ADAR: variants seen among roughly 807,000 people sequenced by gnomAD.
ADAR encodes adenosine deaminase RNA specific.
In ADAR, 41 loss-of-function variants were observed where a neutral mutation model predicts 113.2. The observed-to-expected ratio is 0.36, with a 90% CI of 0.28 to 0.47. The LOEUF (loss-of-function observed/expected upper bound fraction) is 0.47. Ranked by LOEUF, ADAR falls within the 20% of genes least tolerant of loss-of-function variation. The pLI is 1.00. For missense variants in ADAR, 1,242 were observed against 1,540.9 expected (o/e 0.81, Z 3.25); for synonymous variants, 605 against 572.6 (o/e 1.06, Z -0.81).
chr1:154,588,128 T>G lies in ADAR; in HGVS notation c.3016A>C (p.Asn1006His), dbSNP rs777878700. Residue 1006 changes from asparagine (N) to histidine (H), a missense_variant, in exon 11 of 15, where the codon AAC becomes CAC. Physicochemically the swap from Asn to His is moderately conservative, Grantham distance 68. Transcript: ENST00000368474. ...GGCGGGGGCATGTATCACTCACCGT[T>G]CTCCACCTTGGTGCGGAGCTTTCCT... Reference protein sequence around the residue: ...KQGKLRTKVENGEGTIPVESS... With the variant: ...KQGKLRTKVEHGEGTIPVESS... 6.2e-7 allele frequency: 1 copy of G among 1,613,736 alleles called. No individual in the cohort carries two copies. Among genetic ancestry groups the G allele is most frequent in the Non-Finnish European group, 8.5e-7 (1 of 1,179,962 alleles).
At chr1:154,606,330 C>A (rs890641914) in intron 1 of ADAR, among the ~76,000 whole-genome samples, 1 of 152,096 alleles carries the variant, frequency 6.6e-6, no homozygotes. Context: ...CCACGCCCGG[C>A]CAGTTATTTT....
At chr1:154,623,593 C>T (rs1698853312) in intron 1 of ADAR, among the ~76,000 whole-genome samples, 1 of 152,176 alleles carries the variant, frequency 6.6e-6, no homozygotes. Flanking sequence ...TAGACCTCTC[C>T]AATTGTGGTC....
chr1:154,607,671 G>A (rs1189930458), intron 1 of ADAR, among the ~76,000 whole-genome samples: 1 of 152,190 alleles, frequency 6.6e-6, no homozygotes, highest in East Asian at 1.9e-4. Context: ...GAATTAATGA[G>A]CAGGATACAA....
chr1:154,590,261 C>T lies in ADAR; in HGVS notation c.2419G>A (p.Val807Ile). ...AGACTGGCCCCTGTCACTGGGGTTA[C>T]CTCTGTGAAACCCATGCGTTCTGCC... ...EKAERMGFTEVTPVTGASLRR... is the reference protein window; with the variant it reads ...EKAERMGFTEITPVTGASLRR... Residue 807 changes from valine (V) to isoleucine (I), a missense_variant, in exon 7 of 15, where the codon GTA becomes ATA. Around this residue, in one of 2 missense-constraint regions of ADAR, gnomAD observed 780 missense variants for 1,057.9 expected, o/e 0.74. Transcript: ENST00000368474. The T allele has an allele frequency of 6.2e-7, 1 of 1,613,828 alleles. No homozygotes were observed. The highest frequency in any genetic ancestry group is 8.5e-7 in the Non-Finnish European group (1 of 1,180,004).
At chr1:154,589,587 A>G (rs758870630) in intron 8 of ADAR, 125 bp from the exon 9 acceptor site, 10 of 1,182,026 alleles carry the variant, frequency 8.5e-6, no homozygotes, top group East Asian at 4.9e-5. Flanking sequence ...CTAGACTCCC[A>G]TATTCTCTCC....
At chr1:154,617,098 G>A (rs1698653469) in intron 1 of ADAR, among the ~76,000 whole-genome samples, 1 of 152,252 alleles carries the variant, frequency 6.6e-6, no homozygotes, top group Non-Finnish European at 1.5e-5. Context: ...GACATAGTGA[G>A]AGATAACTTA....
chr1:154,627,913 G>GCCCCCCCCCCCCCCCCCCCCCCCCCC, exon 1 of ADAR: 1 of 517,174 alleles, frequency 1.9e-6, no homozygotes, highest in South Asian at 1.4e-5. Context: ...GTGCGGCCGC[G>GCCCCCCCCCCCCCCCCCCCCCCCCCC]ACCCTCCCCC....
At chr1:154,602,672 T>C (rs1418640357) in intron 1 of ADAR, 46 bp from the exon 2 acceptor site, 14 of 1,605,230 alleles carry the variant, frequency 8.7e-6, no homozygotes, top group Non-Finnish European at 1.2e-5. Context: ...AGGGCTGCAG[T>C]GGTGAACCTG....
chr1:154,608,411 C>T (rs182744979), upstream of ADAR, among the ~76,000 whole-genome samples: 45 of 151,524 alleles, frequency 3.0e-4, no homozygotes, highest in Non-Finnish European at 5.2e-4. Context: ...TCACTGCAAC[C>T]TCTGCCCCCC....
chr1:154,606,548 G>A lies in ADAR; in HGVS notation c.15+1444C>T, dbSNP rs1698201156. ...AGAAAGGAGATGTAAGTTTGCTAAG[G>A]ATATCTTAGGGCAGTAGGGTTAGAG... On this transcript the variant is annotated intron_variant, in intron 1 of 14. Transcript: ENST00000368474. 2.0e-5 allele frequency among the ~76,000 whole-genome samples: 3 copies of A among 152,222 alleles called. No homozygotes were observed. The South Asian group carries it at 6.2e-4, about 32-fold the overall frequency.
rs1269610582 is a variant in ADAR at position 154,607,972 on chromosome 1, C to T, written c.15+20G>A. On this transcript the variant is annotated intron_variant, in intron 1 of 14. Coordinates refer to ENST00000368474, the MANE Select transcript of ADAR (RefSeq NM_001111.5). ...AACGAACCCAGACGGCGGCGAAGGT[C>T]CAAGGCCGGCCCGGCTTACCTGCCG... is the stretch of plus-strand genomic sequence containing the variant. 9 of 1,611,360 alleles carry T rather than the reference C, an allele frequency of 5.6e-6. No individual in the cohort carries two copies. The highest frequency in any genetic ancestry group is 5.3e-5 in the African/African-American group (4 of 74,890).
At chr1:154,619,172 T>C (rs1698718069) in intron 1 of ADAR, among the ~76,000 whole-genome samples, 1 of 152,112 alleles carries the variant, frequency 6.6e-6, no homozygotes, top group Non-Finnish European at 1.5e-5. Context: ...TTTCTGAGAG[T>C]GCCCTGATTC....
At chr1:154,619,170 A>G (rs1326763122) in intron 1 of ADAR, among the ~76,000 whole-genome samples, 1 of 152,190 alleles carries the variant, frequency 6.6e-6, no homozygotes, top group Admixed American at 6.5e-5. Context: ...CCTTTCTGAG[A>G]GTGCCCTGAT....
intron 2 of ADAR, among the ~76,000 whole-genome samples, chr1:154,599,344 T>C (rs568194939): frequency 4.0e-4 from 61 of 152,370 alleles, no homozygotes; most frequent in African/African-American, 1.5e-3. Flanking sequence ...TATTTGAACA[T>C]GGCACCAATG....
chr1:154,594,074 G>A (rs1416231320), intron 6 of ADAR, among the ~76,000 whole-genome samples: 1 of 152,078 alleles, frequency 6.6e-6, no homozygotes, highest in African/African-American at 2.4e-5. Flanking sequence ...TAGAGATGGG[G>A]TTTTACCATG....
chr1:154,597,800 A>G (rs1427780113), intron 4 of ADAR, 28 bp downstream of exon 4: 3 of 1,613,840 alleles, frequency 1.9e-6, no homozygotes, highest in South Asian at 1.1e-5. Context: ...AGAAAACCTC[A>G]GCTGGACAGA....
chr1:154,623,920 T>C (rs1360068166), intron 1 of ADAR, among the ~76,000 whole-genome samples: 2 of 151,896 alleles, frequency 1.3e-5, no homozygotes, highest in Non-Finnish European at 2.9e-5. Context: ...GGAGAATCAC[T>C]TGAACCTGGG....
intron 1 of ADAR, chr1:154,627,810 G>A (rs1342012991): frequency 3.9e-6 from 2 of 515,970 alleles, no homozygotes; most frequent in East Asian, 5.5e-5. Flanking sequence ...TGGGCCGCGC[G>A]TTCCAGCCCA....
chr1:154,587,610 G>A (rs185103671), intron 11 of ADAR, among the ~76,000 whole-genome samples: 80 of 152,266 alleles, frequency 5.3e-4, no homozygotes, highest in Middle Eastern at 6.8e-3. Context: ...TGGCCTGAAC[G>A]CAATGGAGTG....
Sources: allele counts gnomAD v4.1 joint callset (sites outside exome capture counted in the v4.1 genomes callset), GRCh38; gene constraint gnomAD v4.1.1; regional missense constraint gnomAD v4.1.1; transcripts MANE v1.5; gene names NCBI Gene and HGNC (gene_info 2026-07-23, HGNC 2026-07-21).